The following TRPM3 variants were observed in gnomAD, a reference collection of about 807,000 sequenced individuals.
TRPM3 encodes the protein transient receptor potential cation channel subfamily M member 3.
In TRPM3, 77 loss-of-function variants were observed where a neutral mutation model predicts 181.2. The observed-to-expected ratio is 0.42, with a 90% CI of 0.35 to 0.51. The LOEUF (loss-of-function observed/expected upper bound fraction) is 0.51. TRPM3 is among the 20% of genes least tolerant of loss of function. The pLI, the probability that TRPM3 is intolerant of heterozygous loss-of-function variation, is 0.01. For missense variants in TRPM3, 1,759 were observed against 2,196.7 expected, an observed-to-expected ratio of 0.80 and a Z score of 3.98; for synonymous variants, 745 against 796.4, an observed-to-expected ratio of 0.94 and a Z score of 1.09.
chr9:71,250,771 A>G (rs1466016801), intron 1 of TRPM3, among the ~76,000 whole-genome samples: 1 of 152,192 alleles, frequency 6.6e-6, no homozygotes, highest in East Asian at 1.9e-4. Flanking sequence ...TTGCAGGTGC[A>G]TATGCAAAGG....
chr9:71,440,403 G>A (rs2131667007), intron 1 of TRPM3, among the ~76,000 whole-genome samples: 1 of 152,276 alleles, frequency 6.6e-6, no homozygotes, highest in Admixed American at 6.5e-5. Context: ...CCCATTCACT[G>A]CACTGGTATC....
chr9:70,960,272 T>C (rs1423401594), intron 1 of TRPM3, among the ~76,000 whole-genome samples: 1 of 152,144 alleles, frequency 6.6e-6, no homozygotes, highest in Admixed American at 6.6e-5. Context: ...AGAGGAGAGT[T>C]AGTGAACAGC....
intron 3 of TRPM3, among the ~76,000 whole-genome samples, chr9:70,849,394 C>G (rs565396312): frequency 3.9e-5 from 6 of 152,218 alleles, no homozygotes; most frequent in African/African-American, 1.2e-4. Flanking sequence ...ATCTGCCCAC[C>G]TCGGCCTCTC....
chr9:70,866,317 G>C (rs529994533), intron 1 of TRPM3, among the ~76,000 whole-genome samples: 1 of 152,128 alleles, frequency 6.6e-6, no homozygotes, highest in African/African-American at 2.4e-5. Flanking sequence ...TTGTGGGGGA[G>C]CATCTGGGAA....
intron 8 of TRPM3, among the ~76,000 whole-genome samples, chr9:70,753,501 T>C (rs939982581): frequency 6.6e-6 from 1 of 152,120 alleles, no homozygotes; most frequent in Non-Finnish European, 1.5e-5. Flanking sequence ...TTGGGAGTGG[T>C]ACGAGAAGCA....
At chr9:71,029,436 A>C (rs1178450461) in intron 1 of TRPM3, among the ~76,000 whole-genome samples, 2 of 152,208 alleles carry the variant, frequency 1.3e-5, no homozygotes, top group Non-Finnish European at 2.9e-5. Flanking sequence ...TACCCAATTC[A>C]GTGTGGAGTA....
At chr9:71,002,295 T>A (rs972598680) in intron 1 of TRPM3, among the ~76,000 whole-genome samples, 2 of 152,232 alleles carry the variant, frequency 1.3e-5, no homozygotes, top group African/African-American at 4.8e-5. Flanking sequence ...CACTGTTGTT[T>A]ACGCTGCAAG....
intron 5 of TRPM3, among the ~76,000 whole-genome samples, chr9:70,832,049 A>AC (rs2131781195): frequency 7.6e-6 from 1 of 131,160 alleles, no homozygotes; most frequent in Admixed American, 8.0e-5. Flanking sequence ...AAAAAAAAAA[A>AC]CCAAACACCG....
chr9:70,591,752 G>C (rs1387821319), intron 21 of TRPM3, among the ~76,000 whole-genome samples: 1 of 152,140 alleles, frequency 6.6e-6, no homozygotes, highest in East Asian at 1.9e-4. Flanking sequence ...GCCTATAAAC[G>C]AAGCTAGGAT....
intron 1 of TRPM3, among the ~76,000 whole-genome samples, chr9:71,399,375 A>G (rs1175534874): frequency 6.6e-6 from 1 of 152,096 alleles, no homozygotes; most frequent in African/African-American, 2.4e-5. Flanking sequence ...AGAAAACTGT[A>G]TATTTTATGT....
intron 1 of TRPM3, among the ~76,000 whole-genome samples, chr9:70,937,889 T>C (rs1194379354): frequency 7.0e-6 from 1 of 143,238 alleles, no homozygotes. Context: ...CGGGGGAGGG[T>C]GTAGCTTCTA....
At chr9:70,616,697 A>G (rs924998069) in intron 17 of TRPM3, among the ~76,000 whole-genome samples, 1 of 150,902 alleles carries the variant, frequency 6.6e-6, no homozygotes, top group Non-Finnish European at 1.5e-5. Context: ...AAACACACAT[A>G]CACACACACA....
At chr9:71,326,088 T>C (rs2132500416) in intron 1 of TRPM3, among the ~76,000 whole-genome samples, 1 of 152,312 alleles carries the variant, frequency 6.6e-6, no homozygotes, top group South Asian at 2.1e-4. Flanking sequence ...TGTCAGAAAA[T>C]ATTTTTACTT....
At chr9:71,091,668 TTC>T (rs2066245727) in intron 1 of TRPM3, among the ~76,000 whole-genome samples, 1 of 152,164 alleles carries the variant, frequency 6.6e-6, no homozygotes, top group Non-Finnish European at 1.5e-5. Flanking sequence ...AATAAATTTC[TTC>T]TGTGATTTTA....
At chr9:70,931,750 T>A (rs2096777248) in intron 1 of TRPM3, among the ~76,000 whole-genome samples, 1 of 152,202 alleles carries the variant, frequency 6.6e-6, no homozygotes, top group Non-Finnish European at 1.5e-5. Flanking sequence ...AATCAAAGTT[T>A]ATAATCAATC....
At chr9:71,091,718 G>T (rs2066253760) in intron 1 of TRPM3, among the ~76,000 whole-genome samples, 1 of 152,022 alleles carries the variant, frequency 6.6e-6, no homozygotes, top group Admixed American at 6.6e-5. Context: ...TTTTCAGCTT[G>T]CAACCAGTCA....
Position 70,618,849 on chromosome 9 carries a change from C to T in TRPM3, c.2358+18G>A, listed in dbSNP as rs2063186443. ...CGCCGGTCCTCATAGCCAGGAGGGC[C>T]TTATTGGGCGCCCTGACCTTGAGGC... On this transcript the variant is annotated intron_variant, in intron 17 of 25. Coordinates refer to ENST00000677713, the MANE Select transcript of TRPM3 (RefSeq NM_001366145.2). 1 of 1,601,102 alleles carries T rather than the reference C, an allele frequency of 6.2e-7. No homozygotes were observed. The highest frequency in any genetic ancestry group is 1.7e-5 in the Admixed American group (1 of 59,900).
At chr9:71,027,823 G>A (rs2056770293) in intron 1 of TRPM3, among the ~76,000 whole-genome samples, 1 of 152,134 alleles carries the variant, frequency 6.6e-6, no homozygotes, top group Non-Finnish European at 1.5e-5. Context: ...TATGTAAAGA[G>A]ACCAAATCTA....
chr9:70,685,782 G>A (rs1171663719), intron 8 of TRPM3, among the ~76,000 whole-genome samples: 3 of 151,766 alleles, frequency 2.0e-5, no homozygotes, highest in African/African-American at 7.3e-5. Flanking sequence ...GCTTCCTTAG[G>A]TGTTCTTTTC....
Sources: allele counts gnomAD v4.1 joint callset (sites outside exome capture counted in the v4.1 genomes callset), GRCh38; gene constraint gnomAD v4.1.1; transcripts MANE v1.5; gene names NCBI Gene and HGNC (gene_info 2026-07-23, HGNC 2026-07-21).